CNDP2: variants seen among roughly 807,000 people sequenced by gnomAD.
The protein encoded by CNDP2 is carnosine dipeptidase 2.
Under a neutral mutation model 55.0 loss-of-function variants are expected in CNDP2, and 38 were observed. That is an observed-to-expected ratio of 0.69 (90% confidence interval 0.53 to 0.90). The LOEUF (loss-of-function observed/expected upper bound fraction) is 0.90, where lower values mean the gene tolerates loss of function less well. Ranked by LOEUF, CNDP2 falls within the 40% of genes least tolerant of loss-of-function variation. CNDP2 has a pLI of 0.00. For missense variants in CNDP2, 607 were observed against 621.7 expected (o/e 0.98, Z 0.25); for synonymous variants, 241 against 260.2 (o/e 0.93, Z 0.71).
intron 3 of CNDP2, among the ~76,000 whole-genome samples, chr18:74,503,073 GT>G (rs72527615): frequency 7.0e-6 from 1 of 142,190 alleles, no homozygotes. Flanking sequence ...GCTCCCTTTC[GT>G]TTTTTTTTTT....
In CNDP2 at chr18:74,499,994, G is replaced by T; in HGVS notation, c.21G>T (p.Leu7=). MAALTT[L]FKYIDENQDR... Reference sequence around the variant, plus strand: ...GAAAGATGGCGGCCCTCACTACCCTGTTTAAGTACATAGATGAAAATCAGG... The same window carrying T: ...GAAAGATGGCGGCCCTCACTACCCTTTTTAAGTACATAGATGAAAATCAGG... Residue 7 remains leucine (L), a synonymous_variant, in exon 2 of 12, where the codon CTG becomes CTT. Coordinates refer to ENST00000324262, the MANE Select transcript of CNDP2 (RefSeq NM_018235.3). 6.2e-7 allele frequency: 1 copy of T among 1,614,106 alleles called. No homozygotes were observed.
Position 74,505,830 on chromosome 18 carries a change from C to G in CNDP2, c.205-19C>G, listed in dbSNP as rs1301392098. The G allele has an allele frequency of 1.2e-6, 2 of 1,612,698 alleles. No individual in the cohort carries two copies. Among genetic ancestry groups the G allele is most frequent in the Non-Finnish European group, 1.7e-6 (2 of 1,179,542 alleles). ...CTTAAACAAAGGCTGTCCTTGGTTC[C>G]TTTCCTCTCCATGCTCAGCTCCCTG... On this transcript the variant is annotated intron_variant, in intron 3 of 11. Transcript: ENST00000324262.
At chr18:74,516,024 C>T (rs568772739) in intron 8 of CNDP2, among the ~76,000 whole-genome samples, 1 of 152,366 alleles carries the variant, frequency 6.6e-6, no homozygotes, top group African/African-American at 2.4e-5. Context: ...TGAGGGTGTG[C>T]AGCCTGTCAG....
Position 74,512,949 on chromosome 18 carries a change from G to A in CNDP2, c.742+417G>A, listed in dbSNP as rs773444851. 2.6e-5 allele frequency among the ~76,000 whole-genome samples: 4 copies of A among 152,192 alleles called. No individual in the cohort carries two copies. In the East Asian group the frequency reaches 5.8e-4, roughly 22 times the overall value. ...CCCGCCTGATCAGCTCTTTGAGAGCGGGCATAGCCCATCGTGCTGTTCCCG... is the reference window on the plus strand; with the variant it reads ...CCCGCCTGATCAGCTCTTTGAGAGCAGGCATAGCCCATCGTGCTGTTCCCG... On this transcript the variant is annotated intron_variant, in intron 7 of 11. Transcript: ENST00000324262.
intron 1 of CNDP2, 175 bp from the exon 2 acceptor site, chr18:74,499,707 G>A (rs1054389072): frequency 5.0e-6 from 2 of 399,712 alleles, no homozygotes; most frequent in Non-Finnish European, 4.4e-6. Flanking sequence ...GGAATTTTGT[G>A]TAATTTTCCT....
At chr18:74,517,049 G>A (rs1979716480) in intron 9 of CNDP2, 1 of 151,850 alleles carries the variant, frequency 6.6e-6, no homozygotes, top group Non-Finnish European at 1.5e-5. Context: ...GGAGGCGGAT[G>A]AGTCCAGGAC....
chr18:74,506,079 GT>G, intron 4 of CNDP2, 68 bp downstream of exon 4: 1 of 1,419,444 alleles, frequency 7.0e-7, no homozygotes, highest in Non-Finnish European at 9.3e-7. Flanking sequence ...TTGCTAGTCC[GT>G]TTTTCTGTTT....
intron 6 of CNDP2, among the ~76,000 whole-genome samples, chr18:74,511,847 G>A (rs1446805614): frequency 6.6e-6 from 1 of 152,212 alleles, no homozygotes; most frequent in Admixed American, 6.5e-5. Flanking sequence ...GGTCCTGTCT[G>A]CAGACGTCAT....
intron 10 of CNDP2, 45 bp from the exon 11 acceptor site, chr18:74,518,904 T>G: frequency 6.2e-7 from 1 of 1,610,598 alleles, no homozygotes; most frequent in Non-Finnish European, 8.5e-7. Flanking sequence ...TCCCCAGCCT[T>G]AGGGCCCCAA....
chr18:74,512,731 C>A (rs948088822), intron 7 of CNDP2, among the ~76,000 whole-genome samples, 199 bp downstream of exon 7: 1 of 152,138 alleles, frequency 6.6e-6, no homozygotes, highest in Admixed American at 6.5e-5. Context: ...GCCCCTGAAA[C>A]CCTCCTGTGC....
At chr18:74,498,509 A>G (rs1216242528) in intron 1 of CNDP2, among the ~76,000 whole-genome samples, 1 of 152,238 alleles carries the variant, frequency 6.6e-6, no homozygotes, top group Non-Finnish European at 1.5e-5. Context: ...TAATTTGACT[A>G]CAAGAGAATA....
intron 1 of CNDP2, among the ~76,000 whole-genome samples, chr18:74,498,712 C>T (rs1330565427): frequency 6.6e-6 from 1 of 152,168 alleles, no homozygotes; most frequent in African/African-American, 2.4e-5. Context: ...TGATAAACGC[C>T]TCTCCAGCGT....
intron 11 of CNDP2, among the ~76,000 whole-genome samples, chr18:74,519,706 G>A (rs1265341813): frequency 2.6e-5 from 4 of 152,194 alleles, no homozygotes; most frequent in African/African-American, 9.7e-5. Context: ...GGGGAGGCCT[G>A]GTCTTCAGAA....
intron 6 of CNDP2, chr18:74,512,170 G>T: frequency 2.6e-6 from 1 of 378,854 alleles, no homozygotes. Context: ...TCTAGCAAAG[G>T]CTTTGAGTGG....
At chr18:74,507,401 G>C (rs564025458) in intron 4 of CNDP2, 1 of 152,854 alleles carries the variant, frequency 6.5e-6, no homozygotes, top group Admixed American at 6.5e-5. Flanking sequence ...CCCACTCCGT[G>C]GCTGGGTCCT....
rs1173215066 is a variant in CNDP2 at position 74,499,871 on chromosome 18, T to G, written c.-92-11T>G. The G allele has an allele frequency of 3.0e-6, 3 of 992,218 alleles. No homozygotes were observed. The highest frequency in any genetic ancestry group is 4.7e-6 in the Non-Finnish European group (3 of 644,640). 61.5% of individuals were successfully genotyped at this position (992,218 alleles called of 1,614,324 possible). ...ACAATTTACAATTCTGAACACGTGC[T>G]TTCTGGGCAGGTCGCCCCTCAGTCT... is the stretch of plus-strand genomic sequence containing the variant. On this transcript the variant is annotated splice_polypyrimidine_tract_variant and intron_variant, in intron 1 of 11. Coordinates refer to ENST00000324262, the MANE Select transcript of CNDP2 (RefSeq NM_018235.3).
At position 74,522,119 on chromosome 18, in the gene CNDP2, A is replaced by G. The variant is rs1980085289; in HGVS notation, c.*2051A>G. 6.6e-6 allele frequency: 1 copy of G among 152,256 alleles called. No homozygotes were observed. The highest frequency in any genetic ancestry group is 6.5e-5 in the Admixed American group (1 of 15,292). The allele number at this position is 152,256 out of a possible 1,614,324, so 9.4% of individuals were successfully genotyped here. ...TTTGATCATTGTGCTGTAGCTGCATAAGAGGTTAGCTGGGTGAAGTGTATC... is the reference window on the plus strand; with the variant it reads ...TTTGATCATTGTGCTGTAGCTGCATGAGAGGTTAGCTGGGTGAAGTGTATC... On this transcript the variant is annotated 3_prime_UTR_variant, in exon 12 of 12. Transcript: ENST00000324262.
chr18:74,502,332 G>A (rs1234215929), intron 3 of CNDP2, among the ~76,000 whole-genome samples: 3 of 152,172 alleles, frequency 2.0e-5, no homozygotes, highest in Admixed American at 6.5e-5. Flanking sequence ...GCAACTTTAA[G>A]CAAGACAACA....
intron 4 of CNDP2, chr18:74,508,536 T>C: frequency 3.2e-6 from 1 of 311,930 alleles, no homozygotes; most frequent in African/African-American, 2.1e-5. Flanking sequence ...TGCGACTCCC[T>C]GGAGTTAGAC....
Sources: allele counts gnomAD v4.1 joint callset (sites outside exome capture counted in the v4.1 genomes callset), GRCh38; gene constraint gnomAD v4.1.1; transcripts MANE v1.5; gene names NCBI Gene and HGNC (gene_info 2026-07-23, HGNC 2026-07-21).